Variants in KCNB2 observed in about 807,000 individuals in gnomAD.
KCNB2 encodes potassium voltage-gated channel subfamily B member 2.
A neutral mutation model predicts 61.5 loss-of-function variants in KCNB2; 15 were observed. The ratio of observed to expected loss-of-function variants is 0.24; its 90% confidence interval spans 0.16 to 0.38. The LOEUF (loss-of-function observed/expected upper bound fraction) is 0.38, where lower values mean the gene tolerates loss of function less well. Among genes scored for constraint, KCNB2 ranks in the 10% least tolerant of loss-of-function variants. The probability of loss-of-function intolerance (pLI) is 1.00; values close to 1 mark genes in which losing one functional copy is unlikely to be tolerated. For missense variants in KCNB2, 828 were observed against 1,125.2 expected, an observed-to-expected ratio of 0.74 and a Z score of 3.78; for synonymous variants, 457 against 446.0, an observed-to-expected ratio of 1.02 and a Z score of -0.31.
intron 2 of KCNB2, among the ~76,000 whole-genome samples, chr8:72,753,635 T>C (rs1808239232): frequency 1.3e-5 from 2 of 152,180 alleles, no homozygotes; most frequent in African/African-American, 4.8e-5. Flanking sequence ...CCATTTTAAG[T>C]TTGAGAAAGC....
chr8:72,804,305 G>A (rs920901165), intron 2 of KCNB2, among the ~76,000 whole-genome samples: 5 of 151,932 alleles, frequency 3.3e-5, no homozygotes, highest in African/African-American at 7.3e-5. Context: ...TTTAACCTCC[G>A]TGTTACTACA....
At chr8:72,831,406 A>G (rs1207095303) in intron 2 of KCNB2, among the ~76,000 whole-genome samples, 3 of 152,238 alleles carry the variant, frequency 2.0e-5, no homozygotes, top group Non-Finnish European at 2.9e-5. Context: ...CAAACCAGAT[A>G]TGGGTTATAA....
intron 2 of KCNB2, among the ~76,000 whole-genome samples, chr8:72,763,170 T>G (rs1808411774): frequency 6.6e-6 from 1 of 152,086 alleles, no homozygotes; most frequent in African/African-American, 2.4e-5. Context: ...AGAGTTTTTC[T>G]CACTAATGAT....
intron 1 of KCNB2, among the ~76,000 whole-genome samples, chr8:72,555,792 A>C (rs1013015037): frequency 1.3e-5 from 2 of 151,666 alleles, no homozygotes; most frequent in Non-Finnish European, 2.9e-5. Flanking sequence ...TTTAGGGTAC[A>C]TGTATGTGCA....
intron 2 of KCNB2, among the ~76,000 whole-genome samples, chr8:72,621,623 G>A (rs1193399442): frequency 6.6e-6 from 1 of 152,170 alleles, no homozygotes; most frequent in African/African-American, 2.4e-5. Flanking sequence ...CAGGCATGCA[G>A]TGTGTGATAA....
intron 2 of KCNB2, among the ~76,000 whole-genome samples, chr8:72,752,711 A>G (rs149061633): frequency 9.9e-4 from 151 of 152,296 alleles, no homozygotes; most frequent in African/African-American, 3.4e-3. Flanking sequence ...TTCTTATTTT[A>G]TATGCATATA....
At chr8:72,867,799 TC>T (rs1442645210) in intron 2 of KCNB2, among the ~76,000 whole-genome samples, 1 of 152,184 alleles carries the variant, frequency 6.6e-6, no homozygotes, top group Non-Finnish European at 1.5e-5. Flanking sequence ...AATCTTTTTT[TC>T]TTTTATGTCA....
chr8:72,797,130 G>A (rs903771436), intron 2 of KCNB2, among the ~76,000 whole-genome samples: 1 of 152,130 alleles, frequency 6.6e-6, no homozygotes, highest in Non-Finnish European at 1.5e-5. Context: ...ATTCTACTGG[G>A]CTCCTTATTT....
In KCNB2 at chr8:72,674,132, A is replaced by G. The variant is rs151196893; in HGVS notation, c.579+105819A>G. 2.5e-4 allele frequency among the ~76,000 whole-genome samples: 38 copies of G among 152,316 alleles called. 1 individual carries two copies. The East Asian group carries it at 7.1e-3, about 29-fold the overall frequency. Reference sequence around the variant, plus strand: ...TGATAGTGATAAGGGCATAGGCTATAAAGTCAGATGCATAACTCTGAACCC... The same window carrying G: ...TGATAGTGATAAGGGCATAGGCTATGAAGTCAGATGCATAACTCTGAACCC... On this transcript the variant is annotated intron_variant, in intron 2 of 2. Transcript: ENST00000523207.
At chr8:72,685,293 AGG>A (rs1806831795) in intron 2 of KCNB2, among the ~76,000 whole-genome samples, 1 of 152,168 alleles carries the variant, frequency 6.6e-6, no homozygotes, top group Admixed American at 6.5e-5. Flanking sequence ...CAACAATTTC[AGG>A]GTTTTTTTTC....
intron 2 of KCNB2, among the ~76,000 whole-genome samples, chr8:72,678,423 T>G (rs533045812): frequency 3.9e-4 from 59 of 152,212 alleles, no homozygotes; most frequent in South Asian, 2.3e-3. Flanking sequence ...CTCATTCTGT[T>G]GCAGCCAATC....
At chr8:72,871,784 A>G (rs1322637175) in intron 2 of KCNB2, among the ~76,000 whole-genome samples, 1 of 152,240 alleles carries the variant, frequency 6.6e-6, no homozygotes, top group Admixed American at 6.5e-5. Flanking sequence ...TGCCAACTGC[A>G]CTTCTATTTT....
intron 2 of KCNB2, among the ~76,000 whole-genome samples, chr8:72,899,564 G>A (rs1359756252): frequency 1.3e-5 from 2 of 152,142 alleles, no homozygotes; most frequent in Non-Finnish European, 2.9e-5. Flanking sequence ...AAAATCAGTA[G>A]CATTTCTATA....
At chr8:72,703,167 A>G (rs777918946) in intron 2 of KCNB2, among the ~76,000 whole-genome samples, 1 of 152,222 alleles carries the variant, frequency 6.6e-6, no homozygotes, top group South Asian at 2.1e-4. Context: ...CATTTTCTCC[A>G]TAATTCTAAG....
At chr8:72,915,649 G>C (rs1046403500) in intron 2 of KCNB2, among the ~76,000 whole-genome samples, 1 of 152,180 alleles carries the variant, frequency 6.6e-6, no homozygotes, top group African/African-American at 2.4e-5. Flanking sequence ...GCCGGGCACG[G>C]TGGCTCATAC....
intron 2 of KCNB2, among the ~76,000 whole-genome samples, chr8:72,648,260 T>G (rs1806162038): frequency 6.6e-6 from 1 of 152,138 alleles, no homozygotes; most frequent in Admixed American, 6.5e-5. Context: ...GTGCTTTAGG[T>G]CTTCTGTGTC....
chr8:72,883,839 A>G (rs890547196), intron 2 of KCNB2, among the ~76,000 whole-genome samples: 1 of 152,224 alleles, frequency 6.6e-6, no homozygotes, highest in Non-Finnish European at 1.5e-5. Context: ...CTTGATGGAC[A>G]TATAAATTGT....
chr8:72,893,831 A>G (rs903768370), intron 2 of KCNB2, among the ~76,000 whole-genome samples: 1 of 152,188 alleles, frequency 6.6e-6, no homozygotes, highest in African/African-American at 2.4e-5. Flanking sequence ...GAACAGAGCA[A>G]ATTTCATGAC....
rs567358618 is a variant in KCNB2 at position 72,835,907 on chromosome 8, A to G, written c.580-100028A>G. Among the ~76,000 whole-genome samples the G allele has an allele frequency of 5.9e-5, 9 of 152,328 alleles. 1 individual carries two copies. The South Asian group carries it at 1.9e-3, about 32-fold the overall frequency. ...ACAGACTTCAGAGTACACAGGCCTC[A>G]ACATTTGACTTTCCCAACATATGTC... On this transcript the variant is annotated intron_variant, in intron 2 of 2. Coordinates refer to ENST00000523207, the MANE Select transcript of KCNB2 (RefSeq NM_004770.3).
Sources: allele counts gnomAD v4.1 joint callset (sites outside exome capture counted in the v4.1 genomes callset), GRCh38; gene constraint gnomAD v4.1.1; transcripts MANE v1.5; gene names NCBI Gene and HGNC (gene_info 2026-07-23, HGNC 2026-07-21).